DENND2C: variants seen among roughly 807,000 people sequenced by gnomAD.
DENND2C encodes the protein DENN domain-containing protein 2C.
Under a neutral mutation model 112.4 loss-of-function variants are expected in DENND2C, and 72 were observed. That is an observed-to-expected ratio of 0.64 (90% CI 0.53 to 0.78). DENND2C has a LOEUF of 0.78. DENND2C is among the 30% of genes least tolerant of loss of function. The probability of loss-of-function intolerance (pLI) is 0.00; values close to 1 mark genes in which losing one functional copy is unlikely to be tolerated. For missense variants in DENND2C, 992 were observed against 1,113.8 expected (o/e 0.89, Z 1.56); for synonymous variants, 329 against 381.6 (o/e 0.86, Z 1.61).
rs756983131 is a variant in DENND2C, at chr1:114,600,986, T to C, written c.1816-26A>G. ...CTATATACGCAAAGTGTTATTTTAT[T>C]ATGGACTAAGTTAAAAAATATAAAA... On this transcript the variant is annotated intron_variant, in intron 13 of 20. Coordinates refer to ENST00000393274, the MANE Select transcript of DENND2C (RefSeq NM_001256404.2). 4 of 1,599,798 alleles carry C rather than the reference T, an allele frequency of 2.5e-6. No homozygotes were observed. The East Asian group carries it at 9.0e-5, about 36-fold the overall frequency.
chr1:114,591,064 G>A (rs1247068045), intron 18 of DENND2C, among the ~76,000 whole-genome samples: 5 of 151,746 alleles, frequency 3.3e-5, no homozygotes, highest in East Asian at 2.0e-4. Context: ...ATTCCTGGGC[G>A]CAAGTGATCC....
At chr1:114,619,390 T>C (rs1433439005) in intron 7 of DENND2C, among the ~76,000 whole-genome samples, 1 of 152,210 alleles carries the variant, frequency 6.6e-6, no homozygotes, top group Non-Finnish European at 1.5e-5. Context: ...TTAGGAACAT[T>C]ATATATGATA....
Position 114,611,258 on chromosome 1 carries a change from T to A in DENND2C, c.1325-141A>T, listed in dbSNP as rs577099860. On this transcript the variant is annotated intron_variant, in intron 8 of 20. Transcript: ENST00000393274. The stretch of plus-strand genomic sequence containing the variant: ...TGAGCCTTTCTCCAAACCACTTGGT[T>A]GTATCAAGTTGGGATAGTTACCAAA... 14 of 866,480 alleles carry A rather than the reference T, an allele frequency of 1.6e-5. No homozygotes were observed. In the African/African-American group the frequency reaches 2.2e-4, roughly 14 times the overall value. The allele number at this position is 866,480 out of a possible 1,614,324, so 53.7% of individuals were successfully genotyped here. A position where few individuals can be genotyped will look rare whatever the true frequency, so the allele number is the denominator to read the frequency against.
At chr1:114,618,594 T>C (rs1449929575) in intron 7 of DENND2C, 112 bp from the exon 8 acceptor site, 5 of 540,402 alleles carry the variant, frequency 9.3e-6, no homozygotes, top group South Asian at 3.1e-5. Context: ...ATTTTATAAA[T>C]AGAAACCTTT....
intron 9 of DENND2C, among the ~76,000 whole-genome samples, chr1:114,609,780 A>G (rs538238890): frequency 6.6e-6 from 1 of 152,324 alleles, no homozygotes; most frequent in African/African-American, 2.4e-5. Context: ...GTTATACTAT[A>G]GATCAAAATA....
chr1:114,636,338 T>A (rs1656655062), intron 3 of DENND2C, among the ~76,000 whole-genome samples: 1 of 152,130 alleles, frequency 6.6e-6, no homozygotes, highest in Non-Finnish European at 1.5e-5. Flanking sequence ...GGCAAGGATG[T>A]CTCCTCTTAC....
rs1178116663 is a variant in DENND2C, at chr1:114,601,530, C to T, written c.1793G>A (p.Gly598Asp). Residue 598 changes from glycine to aspartate, a missense_variant, in exon 13 of 21, where the codon GGC becomes GAC. By Grantham distance (94) the Gly-to-Asp change is moderately conservative (BLOSUM62 -1). Transcript: ENST00000393274. The part of the protein sequence containing the change: ...PEVYCMVSRL[G>D]CFNLFSKILD... ...CACCTTTGAAAAAAGATTGAAGCAGCCTAGGCGACTAACCATGCAGTATAC... is the reference window on the plus strand; with the variant it reads ...CACCTTTGAAAAAAGATTGAAGCAGTCTAGGCGACTAACCATGCAGTATAC... 1 of 1,612,760 alleles carries T rather than the reference C, an allele frequency of 6.2e-7. No homozygotes were observed. Among genetic ancestry groups the T allele is most frequent in the South Asian group, 1.1e-5 (1 of 90,844 alleles).
At chr1:114,656,999 C>T (rs1657350031) in intron 1 of DENND2C, among the ~76,000 whole-genome samples, 2 of 152,112 alleles carry the variant, frequency 1.3e-5, no homozygotes, top group South Asian at 2.1e-4. Flanking sequence ...GATCTGCCCA[C>T]CTTGGCCTCC....
In DENND2C at chr1:114,585,497, A is replaced by C; in HGVS notation, c.*103T>G. The stretch of plus-strand genomic sequence containing the variant: ...CTGACTCGCTCTTTAACCTTTTAAA[A>C]TTTCAAGAATTTTGTAGAATACTTC... On this transcript the variant is annotated 3_prime_UTR_variant, in exon 21 of 21. Transcript: ENST00000393274. 7.5e-7 allele frequency: 1 copy of C among 1,326,570 alleles called. No individual in the cohort carries two copies. Among genetic ancestry groups the C allele is most frequent in the Non-Finnish European group, 1.1e-6 (1 of 938,764 alleles). 82.2% of individuals were successfully genotyped at this position (1,326,570 alleles called of 1,614,324 possible).
At chr1:114,646,337 A>T (rs1299972370) in intron 2 of DENND2C, among the ~76,000 whole-genome samples, 2 of 152,212 alleles carry the variant, frequency 1.3e-5, no homozygotes, top group East Asian at 3.8e-4. Context: ...ACAATTTTAG[A>T]ACACTTTTCT....
chr1:114,607,518 T>C (rs1570767097), intron 10 of DENND2C, among the ~76,000 whole-genome samples: 1 of 152,204 alleles, frequency 6.6e-6, no homozygotes, highest in Non-Finnish European at 1.5e-5. Flanking sequence ...ACAAAAATTA[T>C]TGTTGTTCTT....
chr1:114,655,506 T>C (rs1241434624), intron 1 of DENND2C, among the ~76,000 whole-genome samples: 3 of 152,122 alleles, frequency 2.0e-5, no homozygotes, highest in Non-Finnish European at 4.4e-5. Context: ...TTGTTTGAGA[T>C]GGAGTCTCGC....
At chr1:114,634,704 A>G (rs889342989) in intron 3 of DENND2C, among the ~76,000 whole-genome samples, 8 of 152,228 alleles carry the variant, frequency 5.3e-5, no homozygotes, top group South Asian at 4.1e-4. Flanking sequence ...TTTAAAAACA[A>G]TAAGTGAGGA....
chr1:114,615,893 G>A (rs1335740415), intron 8 of DENND2C, among the ~76,000 whole-genome samples: 1 of 152,052 alleles, frequency 6.6e-6, no homozygotes, highest in African/African-American at 2.4e-5. Flanking sequence ...GGCTAACATG[G>A]TGAAACCCCG....
At chr1:114,586,536 C>A (rs756763219) in intron 20 of DENND2C, among the ~76,000 whole-genome samples, 9 of 151,936 alleles carry the variant, frequency 5.9e-5, no homozygotes, top group Non-Finnish European at 1.3e-4. Context: ...GATGAGGGAT[C>A]CCAAATTTTG....
At chr1:114,619,532 C>G (rs953374590) in intron 7 of DENND2C, among the ~76,000 whole-genome samples, 1 of 152,084 alleles carries the variant, frequency 6.6e-6, no homozygotes, top group Non-Finnish European at 1.5e-5. Flanking sequence ...CCACTCACCC[C>G]CCAAAAAACA....
intron 3 of DENND2C, among the ~76,000 whole-genome samples, chr1:114,628,847 C>T (rs1186354082): frequency 1.3e-5 from 2 of 152,378 alleles, no homozygotes; most frequent in East Asian, 1.9e-4. Context: ...TCATCCCATT[C>T]CTCATCTTCC....
intron 11 of DENND2C, among the ~76,000 whole-genome samples, chr1:114,604,608 T>A (rs772108331): frequency 2.6e-5 from 4 of 152,186 alleles, no homozygotes; most frequent in Non-Finnish European, 5.9e-5. Context: ...TCCAAGTCTT[T>A]TTTCATTTTC....
intron 3 of DENND2C, among the ~76,000 whole-genome samples, chr1:114,632,388 A>T (rs995975953): frequency 2.6e-5 from 4 of 152,096 alleles, no homozygotes; most frequent in African/African-American, 9.6e-5. Flanking sequence ...AGTGATAAGG[A>T]GAAAATTCTT....
Sources: gnomAD v4.1 joint callset for allele counts (sites outside exome capture counted in the v4.1 genomes callset) on GRCh38, gnomAD v4.1.1 for gene constraint, MANE v1.5 for transcripts, NCBI Gene and HGNC (gene_info 2026-07-23, HGNC 2026-07-21) for gene names.